ADAM18: variants seen among roughly 807,000 people sequenced by gnomAD.
The protein encoded by ADAM18 is ADAM metallopeptidase domain 18, also known as disintegrin and metalloproteinase domain-containing protein 18.
A neutral mutation model predicts 94.4 loss-of-function variants in ADAM18; 117 were observed. That is an observed-to-expected ratio of 1.24 (90% CI 1.07 to 1.45). The LOEUF (loss-of-function observed/expected upper bound fraction) is 1.45, where lower values mean the gene tolerates loss of function less well. ADAM18 is among the 40% of genes most tolerant of loss of function. The pLI is 0.00. For synonymous variants in ADAM18, 327 were observed against 291.6 expected (o/e 1.12, Z -1.24); for missense variants, 936 against 880.0 (o/e 1.06, Z -0.81).
chr8:39,589,264 A>G (rs1818499600), intron 2 of ADAM18, among the ~76,000 whole-genome samples: 1 of 152,134 alleles, frequency 6.6e-6, no homozygotes, highest in Non-Finnish European at 1.5e-5. Context: ...CCCCTTTCTT[A>G]TTCTTTATGT....
In ADAM18 at chr8:39,643,708, C is replaced by T. The variant is rs546459128; in HGVS notation, c.910-1630C>T. Among the ~76,000 whole-genome samples, 5 of 152,112 alleles carry T rather than the reference C, an allele frequency of 3.3e-5. No individual in the cohort carries two copies. In the South Asian group the frequency reaches 8.3e-4, roughly 25 times the overall value. ...GCTGGCAATCTTTGGCATTTCTTGG[C>T]TTATGGATGCATTACCCCAATATTT... On this transcript the variant is annotated intron_variant, in intron 10 of 19. Transcript: ENST00000265707.
chr8:39,589,155 T>C (rs1818496404), intron 2 of ADAM18, among the ~76,000 whole-genome samples: 1 of 152,210 alleles, frequency 6.6e-6, no homozygotes, highest in Admixed American at 6.5e-5. Flanking sequence ...AGTGGTCCTG[T>C]GTTACGTTGA....
chr8:39,598,135 C>T (rs545540835), intron 2 of ADAM18, among the ~76,000 whole-genome samples: 1 of 152,212 alleles, frequency 6.6e-6, no homozygotes, highest in Non-Finnish European at 1.5e-5. Flanking sequence ...TGCAACCTTG[C>T]TGTAATTGTT....
In ADAM18 at chr8:39,609,557, C is replaced by A. The variant is rs1255706236; in HGVS notation, c.340C>A (p.Leu114Ile). The stretch of plus-strand genomic sequence containing the variant: ...TGTGACACTCAGTATATGTTCTGGT[C>A]TCAGGTAATAGCACCTTATAAGAAA... Reference protein sequence around the residue: ...SFVTLSICSGLRGFLQFENIS... With the variant: ...SFVTLSICSGIRGFLQFENIS... Residue 114 changes from leucine to isoleucine, a missense_variant, in exon 5 of 20, where the codon CTC becomes ATC. Leu to Ile is a conservative substitution (Grantham distance 5, BLOSUM62 2). Transcript: ENST00000265707. 6.2e-7 allele frequency: 1 copy of A among 1,605,142 alleles called. No individual in the cohort carries two copies. The highest frequency in any genetic ancestry group is 1.1e-5 in the South Asian group (1 of 89,936).
At chr8:39,632,699 G>T (rs1031362083) in intron 7 of ADAM18, among the ~76,000 whole-genome samples, 1 of 151,708 alleles carries the variant, frequency 6.6e-6, no homozygotes, top group African/African-American at 2.4e-5. Context: ...TCTTCTTATA[G>T]TCTCTTCGAG....
intron 6 of ADAM18, among the ~76,000 whole-genome samples, chr8:39,618,389 A>G (rs907557645): frequency 6.6e-6 from 1 of 152,220 alleles, no homozygotes; most frequent in Non-Finnish European, 1.5e-5. Flanking sequence ...AGATGGTCAC[A>G]TGGGGATGAA....
intron 11 of ADAM18, 131 bp from the exon 12 acceptor site, chr8:39,648,213 G>T: frequency 5.2e-6 from 3 of 574,392 alleles, no homozygotes; most frequent in Non-Finnish European, 8.6e-6. Flanking sequence ...AATTATCCTT[G>T]GTTGAATCTC....
intron 16 of ADAM18, among the ~76,000 whole-genome samples, chr8:39,685,851 C>A (rs1202871980): frequency 3.3e-5 from 5 of 152,124 alleles, no homozygotes. Context: ...GCTCAGAAAT[C>A]CCACCTTCCA....
In ADAM18 at chr8:39,584,609, G is replaced by A. The variant is rs759147431; in HGVS notation, c.-14G>A. Reference sequence around the variant, plus strand: ...CTCTGTCCTTGGCTGTGGCTCCTGCGCTCTGGCTGAGCCATGTTCCTTCTC... The same window carrying A: ...CTCTGTCCTTGGCTGTGGCTCCTGCACTCTGGCTGAGCCATGTTCCTTCTC... On this transcript the variant is annotated 5_prime_UTR_variant, in exon 1 of 20. Transcript: ENST00000265707. 7.4e-6 allele frequency: 12 copies of A among 1,612,172 alleles called. No individual in the cohort carries two copies. The highest frequency in any genetic ancestry group is 2.2e-5 in the South Asian group (2 of 91,084).
chr8:39,704,834 G>C (rs149549926), intron 17 of ADAM18, among the ~76,000 whole-genome samples: 15 of 151,708 alleles, frequency 9.9e-5, no homozygotes, highest in African/African-American at 3.6e-4. Flanking sequence ...TGTTAATTCT[G>C]TGTTTTAATT....
At chr8:39,647,443 A>G (rs909971837) in intron 11 of ADAM18, among the ~76,000 whole-genome samples, 1 of 152,160 alleles carries the variant, frequency 6.6e-6, no homozygotes, top group Non-Finnish European at 1.5e-5. Flanking sequence ...GAATTGAACA[A>G]ATGTACAATC....
chr8:39,721,660 A>G (rs75169287), intron 18 of ADAM18, among the ~76,000 whole-genome samples: 2,947 of 151,876 alleles, frequency 0.019, 105 homozygotes, highest in African/African-American at 0.067. Flanking sequence ...ATATGAAGAA[A>G]TGATCAGCAT....
intron 11 of ADAM18, among the ~76,000 whole-genome samples, chr8:39,648,062 G>C (rs1338164393): frequency 2.0e-5 from 3 of 152,150 alleles, no homozygotes; most frequent in East Asian, 3.9e-4. Flanking sequence ...ATAGATAGAT[G>C]GTTAGATATA....
chr8:39,584,765 C>T (rs1818347391), intron 1 of ADAM18, 88 bp downstream of exon 1: 2 of 1,450,316 alleles, frequency 1.4e-6, no homozygotes, highest in Non-Finnish European at 1.9e-6. Context: ...ATTCTGGGAC[C>T]CTCCCCCTCT....
At chr8:39,595,195 G>A (rs1818705379) in intron 2 of ADAM18, among the ~76,000 whole-genome samples, 1 of 152,062 alleles carries the variant, frequency 6.6e-6, no homozygotes. Flanking sequence ...CTGTGGTTGA[G>A]CCCTTCCACT....
At chr8:39,639,026 C>A (rs1652022480) in intron 10 of ADAM18, among the ~76,000 whole-genome samples, 2 of 151,746 alleles carry the variant, frequency 1.3e-5, no homozygotes, top group Non-Finnish European at 2.9e-5. Context: ...ATTTACAACC[C>A]TTAAATCATC....
chr8:39,609,187 G>A lies in ADAM18; in HGVS notation c.267+67G>A. Reference sequence around the variant, plus strand: ...TTATTACCATTAGAATGTGTTTCATGTTGACAGTTTAATACAAATGTTTTA... The same window carrying A: ...TTATTACCATTAGAATGTGTTTCATATTGACAGTTTAATACAAATGTTTTA... On this transcript the variant is annotated intron_variant, in intron 4 of 19. Transcript: ENST00000265707. The A allele has an allele frequency of 3.7e-6, 4 of 1,086,088 alleles. No individual in the cohort carries two copies. In the South Asian group the frequency reaches 4.4e-5, roughly 12 times the overall value. 67.3% of individuals were successfully genotyped at this position (1,086,088 alleles called of 1,614,324 possible). A position where few individuals can be genotyped will look rare whatever the true frequency, so the allele number is the denominator to read the frequency against.
intron 5 of ADAM18, 38 bp from the exon 6 acceptor site, chr8:39,610,491 T>C: frequency 6.4e-7 from 1 of 1,550,944 alleles, no homozygotes. Context: ...ATTTGTGAGA[T>C]TTTTATAACT....
rs1180950827 is a variant in ADAM18, at chr8:39,706,923, T to C, written c.2017+19T>C. 33 of 1,407,014 alleles carry C rather than the reference T, an allele frequency of 2.3e-5. No individual in the cohort carries two copies. Among genetic ancestry groups the C allele is most frequent in the Non-Finnish European group, 3.3e-5 (33 of 1,006,090 alleles). The allele number at this position is 1,407,014 out of a possible 1,614,324, so 87.2% of individuals were successfully genotyped here. A position where few individuals can be genotyped will look rare whatever the true frequency, so the allele number is the denominator to read the frequency against. ...AAATCTGGTAAGTGGAAATTTGTTTTCTAAAGCAAAATAGAAGGTTGTTTT... is the reference window on the plus strand; with the variant it reads ...AAATCTGGTAAGTGGAAATTTGTTTCCTAAAGCAAAATAGAAGGTTGTTTT... On this transcript the variant is annotated intron_variant, in intron 18 of 19. Coordinates refer to ENST00000265707, the MANE Select transcript of ADAM18 (RefSeq NM_014237.3).
Sources: allele counts gnomAD v4.1 joint callset (sites outside exome capture counted in the v4.1 genomes callset), GRCh38; gene constraint gnomAD v4.1.1; transcripts MANE v1.5; gene names NCBI Gene and HGNC (gene_info 2026-07-23, HGNC 2026-07-21).